N4BP1: variants seen among roughly 807,000 people sequenced by gnomAD.
N4BP1 encodes NEDD4 binding protein 1.
N4BP1 carries 21 observed loss-of-function variants against 70.9 expected under a neutral mutation model. The observed-to-expected ratio is 0.30, with a 90% confidence interval of 0.21 to 0.43. The LOEUF is 0.43. N4BP1 is among the 20% of genes least tolerant of loss of function. The pLI, the probability that N4BP1 is intolerant of heterozygous loss-of-function variation, is 1.00. For missense variants in N4BP1, 936 were observed against 1,069.4 expected (o/e 0.88, Z 1.74); for synonymous variants, 387 against 394.6 (o/e 0.98, Z 0.23).
intron 2 of N4BP1, among the ~76,000 whole-genome samples, chr16:48,558,783 C>T (rs1244257075): frequency 2.0e-5 from 3 of 152,238 alleles, no homozygotes. Context: ...GCTTAGATAT[C>T]GCTATGCAGC....
chr16:48,560,853 C>G lies in N4BP1; in HGVS notation c.1790G>C (p.Arg597Pro). ...CTTGTAGGGTATTTTTAGAGTATCTCGAAACCTTTGAACCCCAGTAACTGA... is the reference window on the plus strand; with the variant it reads ...CTTGTAGGGTATTTTTAGAGTATCTGGAAACCTTTGAACCCCAGTAACTGA... ...DSSVTGVQRF[R>P]DTLKIPYKLE... Residue 597 changes from arginine to proline, a missense_variant, in exon 2 of 7, where the codon CGA (arginine) becomes CCA (proline). Around this residue, in one of 4 missense-constraint regions of N4BP1, gnomAD observed 515 missense variants for 491.7 expected, o/e 1.05. Transcript: ENST00000262384. The G allele has an allele frequency of 6.2e-7, 1 of 1,613,892 alleles. No homozygotes were observed. Among genetic ancestry groups the G allele is most frequent in the Non-Finnish European group, 8.5e-7 (1 of 1,179,852 alleles).
intron 1 of N4BP1, among the ~76,000 whole-genome samples, chr16:48,572,696 A>C (rs1370072568): frequency 1.3e-5 from 2 of 152,226 alleles, no homozygotes; most frequent in African/African-American, 4.8e-5. Flanking sequence ...CCGAGGAACC[A>C]GTGGATTGGA....
intron 1 of N4BP1, among the ~76,000 whole-genome samples, chr16:48,580,966 T>G (rs1964167757): frequency 6.6e-6 from 1 of 152,098 alleles, no homozygotes; most frequent in East Asian, 1.9e-4. Context: ...ACCAGGGACC[T>G]GAGTAGCTGC....
chr16:48,596,172 G>C (rs1270583263), intron 1 of N4BP1, among the ~76,000 whole-genome samples: 2 of 152,126 alleles, frequency 1.3e-5, no homozygotes, highest in Non-Finnish European at 2.9e-5. Context: ...ACTATAGTAT[G>C]CCTGTTATTG....
chr16:48,603,217 T>A (rs1400620626), intron 1 of N4BP1, among the ~76,000 whole-genome samples: 4 of 152,178 alleles, frequency 2.6e-5, no homozygotes, highest in Non-Finnish European at 5.9e-5. Context: ...ACCCTTTTTC[T>A]CACAAATTAA....
chr16:48,607,341 G>A (rs1031348619), intron 1 of N4BP1, among the ~76,000 whole-genome samples: 3 of 152,326 alleles, frequency 2.0e-5, no homozygotes, highest in Admixed American at 6.5e-5. Context: ...GAGGCAGAAC[G>A]CACAGCAAAG....
At chr16:48,594,610 C>T (rs1964384434) in intron 1 of N4BP1, among the ~76,000 whole-genome samples, 1 of 152,178 alleles carries the variant, frequency 6.6e-6, no homozygotes, top group African/African-American at 2.4e-5. Flanking sequence ...CCCACCTCGA[C>T]CTCCCAAAGT....
At chr16:48,584,528 TAACTC>T (rs957813968) in intron 1 of N4BP1, among the ~76,000 whole-genome samples, 1 of 152,176 alleles carries the variant, frequency 6.6e-6, no homozygotes, top group African/African-American at 2.4e-5. Context: ...AGAACTTCCT[TAACTC>T]TATCTATATT....
chr16:48,560,802 C>T lies in N4BP1; in HGVS notation c.1841G>A (p.Arg614Lys), dbSNP rs370537177. 4.8e-5 allele frequency: 78 copies of T among 1,612,994 alleles called. No individual in the cohort carries two copies. The highest frequency in any genetic ancestry group is 6.6e-5 in the Non-Finnish European group (78 of 1,179,620). ...TATAACAATGTGTTTCAAATCCGTT[C>T]TCCCTGGTTCATTTTTTAATTCCAG... ...YKLELKNEPG[R>K]TDLKHIVIDG... The change falls in exon 2 of 7, where the codon AGA becomes AAA. Residue 614 changes from arginine to lysine, a missense_variant. Around this residue, in one of 4 missense-constraint regions of N4BP1, gnomAD observed 515 missense variants for 491.7 expected, o/e 1.05. Coordinates refer to ENST00000262384, the MANE Select transcript of N4BP1 (RefSeq NM_153029.4).
intron 6 of N4BP1, among the ~76,000 whole-genome samples, chr16:48,545,307 C>T (rs1205611452): frequency 2.0e-5 from 3 of 151,038 alleles, no homozygotes; most frequent in African/African-American, 7.3e-5. Context: ...CAGTGGCTCA[C>T]GCCTGTAATC....
At chr16:48,609,299 A>T (rs951114517) in intron 1 of N4BP1, among the ~76,000 whole-genome samples, 1 of 152,090 alleles carries the variant, frequency 6.6e-6, no homozygotes, top group Non-Finnish European at 1.5e-5. Context: ...TTTTTTTCCG[A>T]TTCTCAAGAG....
intron 1 of N4BP1, among the ~76,000 whole-genome samples, chr16:48,599,193 G>GC (rs1386898693): frequency 6.6e-6 from 1 of 152,032 alleles, no homozygotes; most frequent in Non-Finnish European, 1.5e-5. Context: ...GATTCCCACT[G>GC]CCCCCGCCCC....
chr16:48,609,903 G>T lies in N4BP1; in HGVS notation c.70C>A (p.Arg24Ser). 6.8e-7 allele frequency: 1 copy of T among 1,468,692 alleles called. No homozygotes were observed. The highest frequency in any genetic ancestry group is 9.0e-7 in the Non-Finnish European group (1 of 1,110,730). 91.0% of individuals were successfully genotyped at this position (1,468,692 alleles called of 1,614,324 possible). A position where few individuals can be genotyped will look rare whatever the true frequency, so the allele number is the denominator to read the frequency against. Residue 24 changes from arginine to serine, a missense_variant, in exon 1 of 7, where the codon CGC becomes AGC. By Grantham distance (110) the Arg-to-Ser change is moderately radical (BLOSUM62 -1). Coordinates refer to ENST00000262384, the MANE Select transcript of N4BP1 (RefSeq NM_153029.4). ...CCAAACAGGCCCTCGATACGGCCGC[G>T]GCTCTGCTCCAGCAGCTCCGCCTTC... is the stretch of plus-strand genomic sequence containing the variant. Reference protein sequence around the residue: ...AEKAELLEQSRGRIEGLFGVS... With the variant: ...AEKAELLEQSSGRIEGLFGVS...
In N4BP1 at chr16:48,562,074, G is replaced by A; in HGVS notation, c.569C>T (p.Thr190Ile). The change falls in exon 2 of 7, where the codon ACA becomes ATA. Residue 190 changes from threonine to isoleucine, a missense_variant. This residue lies in a region of N4BP1 where 515 missense variants were observed against 491.7 expected (regional missense o/e 1.05). Transcript: ENST00000262384. Reference protein sequence around the residue: ...TSLKKELLTLTQGEENLFETG... With the variant: ...TSLKKELLTLIQGEENLFETG... The stretch of plus-strand genomic sequence containing the variant: ...TTCAAAGAGATTCTCCTCACCTTGT[G>A]TGAGTGTCAAAAGTTCTTTTTTCAA... The A allele has an allele frequency of 6.2e-7, 1 of 1,613,786 alleles. No homozygotes were observed. Among genetic ancestry groups the A allele is most frequent in the South Asian group, 1.1e-5 (1 of 91,068 alleles).
chr16:48,560,284 A>G (rs1175798536), intron 2 of N4BP1, among the ~76,000 whole-genome samples: 1 of 152,214 alleles, frequency 6.6e-6, no homozygotes, highest in Non-Finnish European at 1.5e-5. Context: ...TTTTGAAAGG[A>G]AATTGCCATT....
intron 5 of N4BP1, among the ~76,000 whole-genome samples, chr16:48,547,337 T>C (rs939360995): frequency 6.6e-6 from 1 of 152,240 alleles, no homozygotes; most frequent in African/African-American, 2.4e-5. Flanking sequence ...CAGGTGATAC[T>C]GGTTAACCAA....
rs145921328 is a variant in N4BP1, at chr16:48,558,163, C to A, written c.1889+2591G>T. Among the ~76,000 whole-genome samples, 662 of 151,978 alleles carry A rather than the reference C, an allele frequency of 4.4e-3. 3 individuals carry two copies. The highest frequency in any genetic ancestry group is 0.015 in the African/African-American group (631 of 41,464). On this transcript the variant is annotated intron_variant, in intron 2 of 6. Coordinates refer to ENST00000262384, the MANE Select transcript of N4BP1 (RefSeq NM_153029.4). ...ATCTTAATTACTGATATTTTCAGAT[C>A]AATTTACATCAAATTAAGTACAAGT...
At chr16:48,558,969 C>T (rs564812540) in intron 2 of N4BP1, among the ~76,000 whole-genome samples, 8 of 152,076 alleles carry the variant, frequency 5.3e-5, no homozygotes, top group African/African-American at 1.7e-4. Flanking sequence ...AACACAGCTT[C>T]GATAATTCAT....
Position 48,552,699 on chromosome 16 carries a change from G to GAAAAAAAAA in N4BP1, c.2020+831_2020+839dup. Among the ~76,000 whole-genome samples the GAAAAAAAAA allele has an allele frequency of 7.0e-4, 13 of 18,502 alleles. 4 individuals are homozygous for GAAAAAAAAA. Among genetic ancestry groups the GAAAAAAAAA allele is most frequent in the African/African-American group, 8.9e-4 (7 of 7,856 alleles). The allele number at this position is 18,502 out of a possible 152,430, so 12.1% of individuals were successfully genotyped here. A position where few individuals can be genotyped will look rare whatever the true frequency, so the allele number is the denominator to read the frequency against. ...AGCGACAGAGCGAGACTCCGTCTCA[G>GAAAAAAAAA]AAAAAAAAAAAAAAAAAAAAAAAAA... On this transcript the variant is annotated intron_variant, in intron 3 of 6. Coordinates refer to ENST00000262384, the MANE Select transcript of N4BP1 (RefSeq NM_153029.4).
Sources: allele counts gnomAD v4.1 joint callset (sites outside exome capture counted in the v4.1 genomes callset), GRCh38; gene constraint gnomAD v4.1.1; regional missense constraint gnomAD v4.1.1; transcripts MANE v1.5; gene names NCBI Gene and HGNC (gene_info 2026-07-23, HGNC 2026-07-21).